Variants in PRKACB observed in about 807,000 individuals in gnomAD.
The protein encoded by PRKACB is protein kinase cAMP-activated catalytic subunit beta.
PRKACB carries 16 observed loss-of-function variants against 51.4 expected under a neutral mutation model. The ratio of observed to expected loss-of-function variants is 0.31; its 90% CI spans 0.21 to 0.47. The LOEUF (loss-of-function observed/expected upper bound fraction) is 0.47. PRKACB is among the 20% of genes least tolerant of loss of function. The pLI, the probability that PRKACB is intolerant of heterozygous loss-of-function variation, is 1.00. For missense variants in PRKACB, 309 were observed against 464.5 expected, an observed-to-expected ratio of 0.67 and a Z score of 3.08; for synonymous variants, 147 against 154.4, an observed-to-expected ratio of 0.95 and a Z score of 0.35.
intron 1 of PRKACB, among the ~76,000 whole-genome samples, chr1:84,168,878 A>G (rs148390448): frequency 9.7e-4 from 147 of 151,666 alleles, no homozygotes; most frequent in Middle Eastern, 3.4e-3. Flanking sequence ...TTAAATATAG[A>G]AGGCTCTTTC....
chr1:84,142,749 AGATT>A (rs1276748164), upstream of PRKACB, among the ~76,000 whole-genome samples: 2 of 152,222 alleles, frequency 1.3e-5, no homozygotes, highest in African/African-American at 4.8e-5. Context: ...ATACTTGTTT[AGATT>A]GATATGAATT....
At chr1:84,182,064 A>G in intron 2 of PRKACB, 136 bp from the exon 3 acceptor site, 1 of 660,990 alleles carries the variant, frequency 1.5e-6, no homozygotes, top group Non-Finnish European at 2.2e-6. Flanking sequence ...TGGAATCTCA[A>G]TAGCTTTTTT....
chr1:84,108,857 A>G (rs1375852370), intron 1 of PRKACB, among the ~76,000 whole-genome samples: 2 of 152,074 alleles, frequency 1.3e-5, no homozygotes, highest in Non-Finnish European at 2.9e-5. Context: ...AATTTGTCGT[A>G]CAGTCAGTAT....
intron 1 of PRKACB, among the ~76,000 whole-genome samples, chr1:84,163,196 G>T (rs1274830231): frequency 6.6e-6 from 1 of 152,050 alleles, no homozygotes; most frequent in African/African-American, 2.4e-5. Flanking sequence ...TATTTAGGCA[G>T]TTCGGAAGTC....
intron 8 of PRKACB, among the ~76,000 whole-genome samples, chr1:84,209,168 T>A (rs1275577610): frequency 1.3e-5 from 2 of 152,168 alleles, no homozygotes; most frequent in African/African-American, 4.8e-5. Flanking sequence ...TCCCCTTCTC[T>A]TCTTTCTATG....
intron 1 of PRKACB, among the ~76,000 whole-genome samples, chr1:84,114,675 C>A (rs1650491533): frequency 6.6e-6 from 1 of 152,074 alleles, no homozygotes; most frequent in Admixed American, 6.5e-5. Flanking sequence ...CCTCACCGTC[C>A]CCCTCCCTGC....
At chr1:84,160,235 G>A (rs1257879145) in intron 1 of PRKACB, among the ~76,000 whole-genome samples, 2 of 151,972 alleles carry the variant, frequency 1.3e-5, no homozygotes, top group Non-Finnish European at 2.9e-5. Context: ...CAATATTTGT[G>A]TTACAGGTTT....
Position 84,237,801 on chromosome 1 carries a change from A to G in PRKACB, c.*2496A>G, listed in dbSNP as rs1417253929. On this transcript the variant is annotated 3_prime_UTR_variant, in exon 10 of 10. Coordinates refer to ENST00000370685, the MANE Select transcript of PRKACB (RefSeq NM_182948.4). ...AATTAAGAGATGGCATTGTGTAAGA[A>G]GGAGCCCTAGACTGAAAGTCAAGAC... 6.6e-6 allele frequency: 1 copy of G among 152,196 alleles called. No individual in the cohort carries two copies. Among genetic ancestry groups the G allele is most frequent in the Non-Finnish European group, 1.5e-5 (1 of 67,998 alleles). The allele number at this position is 152,196 out of a possible 1,614,324, so 9.4% of individuals were successfully genotyped here. A position where few individuals can be genotyped will look rare whatever the true frequency, so the allele number is the denominator to read the frequency against.
At chr1:84,108,488 A>G (rs1255038193) in intron 1 of PRKACB, among the ~76,000 whole-genome samples, 1 of 152,066 alleles carries the variant, frequency 6.6e-6, no homozygotes, top group Admixed American at 6.6e-5. Context: ...CCTAAAATAA[A>G]AATTAAAATA....
chr1:84,229,193 G>A (rs1385288488), intron 9 of PRKACB, among the ~76,000 whole-genome samples: 2 of 145,674 alleles, frequency 1.4e-5, no homozygotes, highest in Non-Finnish European at 3.0e-5. Flanking sequence ...TTGGTTTTTT[G>A]TTCTTGCGAT....
At chr1:84,224,457 A>G (rs1674245193) in intron 9 of PRKACB, among the ~76,000 whole-genome samples, 1 of 152,180 alleles carries the variant, frequency 6.6e-6, no homozygotes, top group Non-Finnish European at 1.5e-5. Context: ...TGATGGTAGC[A>G]ACAGATTGGG....
chr1:84,192,023 T>C (rs1336256891), intron 5 of PRKACB, among the ~76,000 whole-genome samples: 1 of 152,096 alleles, frequency 6.6e-6, no homozygotes, highest in South Asian at 2.1e-4. Context: ...CATAAAAGCA[T>C]CTAAACACCT....
At chr1:84,113,376 C>T (rs1650386700) in intron 1 of PRKACB, among the ~76,000 whole-genome samples, 1 of 152,142 alleles carries the variant, frequency 6.6e-6, no homozygotes, top group Non-Finnish European at 1.5e-5. Flanking sequence ...AAAAGACATA[C>T]TGGTGAGGAT....
intron 9 of PRKACB, among the ~76,000 whole-genome samples, chr1:84,217,523 A>C (rs141170808): frequency 6.6e-6 from 1 of 151,182 alleles, no homozygotes; most frequent in Non-Finnish European, 1.5e-5. Flanking sequence ...GGCCAGGTGC[A>C]GTGGCTCACA....
At chr1:84,199,776 C>CT (rs1669525254) in intron 7 of PRKACB, among the ~76,000 whole-genome samples, 1 of 152,246 alleles carries the variant, frequency 6.6e-6, no homozygotes, top group South Asian at 2.1e-4. Flanking sequence ...CCAACAGTGT[C>CT]TAAGTGTTCA....
intron 8 of PRKACB, among the ~76,000 whole-genome samples, chr1:84,212,797 G>A (rs1278722544): frequency 6.6e-6 from 1 of 152,124 alleles, no homozygotes; most frequent in Non-Finnish European, 1.5e-5. Context: ...CATATAGTAG[G>A]TATTCAATAA....
chr1:84,097,190 C>T (rs891412453), intron 1 of PRKACB, among the ~76,000 whole-genome samples: 2 of 151,946 alleles, frequency 1.3e-5, no homozygotes, highest in Non-Finnish European at 2.9e-5. Flanking sequence ...ACTAGAACTT[C>T]TGTGAACATT....
chr1:84,093,314 TGTGGTGAG>T (rs1160706340), intron 1 of PRKACB, among the ~76,000 whole-genome samples: 2 of 152,054 alleles, frequency 1.3e-5, no homozygotes, highest in African/African-American at 2.4e-5. Context: ...TCTGTGTGTG[TGTGGTGAG>T]GTAGGAGTCA....
chr1:84,164,832 T>C, intron 1 of PRKACB: 1 of 1,386,798 alleles, frequency 7.2e-7, no homozygotes, highest in Non-Finnish European at 9.3e-7. Context: ...TATGCTTTGC[T>C]TCTAGGGGCT....
Sources: gnomAD v4.1 joint callset for allele counts (sites outside exome capture counted in the v4.1 genomes callset) on GRCh38, gnomAD v4.1.1 for gene constraint, MANE v1.5 for transcripts, NCBI Gene and HGNC (gene_info 2026-07-23, HGNC 2026-07-21) for gene names.